CMYA5: variants seen among roughly 807,000 people sequenced by gnomAD.
CMYA5 encodes cardiomyopathy associated 5.
CMYA5 carries 246 observed loss-of-function variants against 318.9 expected under a neutral mutation model. The observed-to-expected ratio is 0.77, with a 90% CI of 0.70 to 0.86. The LOEUF (loss-of-function observed/expected upper bound fraction) is 0.86, where lower values mean the gene tolerates loss of function less well. Among genes scored for constraint, CMYA5 ranks in the 40% least tolerant of loss-of-function variants. The pLI is 0.00. For synonymous variants in CMYA5, 1,641 were observed against 1,729.5 expected (o/e 0.95, Z 1.27); for missense variants, 4,589 against 4,678.2 (o/e 0.98, Z 0.56).
chr5:79,744,343 G>C (rs1038170968), intron 3 of CMYA5, among the ~76,000 whole-genome samples: 4 of 152,226 alleles, frequency 2.6e-5, no homozygotes, highest in Admixed American at 2.0e-4. Flanking sequence ...ACTGCCCAGT[G>C]TCCCATGCCC....
rs1828128782 is a variant in CMYA5 at position 79,738,267 on chromosome 5, A to T, written c.9502A>T (p.Thr3168Ser). Residue 3168 changes from threonine (T) to serine (S), a missense_variant, in exon 2 of 13, where the codon ACC (threonine) becomes TCC (serine). Transcript: ENST00000446378. Reference protein sequence around the residue: ...FEAEEGVLSRTQIFPTTIKVI... With the variant: ...FEAEEGVLSRSQIFPTTIKVI... Reference sequence around the variant, plus strand: ...AGCAGAGGAAGGAGTTCTATCACGAACCCAGATATTTCCTACCACTATTAA... The same window carrying T: ...AGCAGAGGAAGGAGTTCTATCACGATCCCAGATATTTCCTACCACTATTAA... 6.2e-7 allele frequency: 1 copy of T among 1,613,420 alleles called. No individual in the cohort carries two copies. Among genetic ancestry groups the T allele is most frequent in the Non-Finnish European group, 8.5e-7 (1 of 1,179,796 alleles).
intron 12 of CMYA5, among the ~76,000 whole-genome samples, chr5:79,796,510 C>T (rs1260200122): frequency 6.6e-6 from 1 of 152,092 alleles, no homozygotes; most frequent in Non-Finnish European, 1.5e-5. Context: ...AGCAATCCTC[C>T]CACATCAACC....
In CMYA5 at chr5:79,732,148, CT is replaced by C. The variant is rs1561207788; in HGVS notation, c.3385del (p.Ser1129HisfsTer3). Reference sequence around the variant, plus strand: ...GAGCCTGAGTCTGAAGACTTGATTCCTTCACATTTAACCAGTGAAGTGGAGA... The same window carrying C: ...GAGCCTGAGTCTGAAGACTTGATTCCTCACATTTAACCAGTGAAGTGGAGA... ...YLEPESEDLIPSHLTSEVEKG... is the reference protein window; with the variant it reads ...YLEPESEDLIXSHLTSEVEKG... On this transcript the variant is annotated frameshift_variant, in exon 2 of 13. Coordinates refer to ENST00000446378, the MANE Select transcript of CMYA5 (RefSeq NM_153610.5). LOFTEE classifies it high-confidence loss of function. 1 of 1,613,914 alleles carries C rather than the reference CT, an allele frequency of 6.2e-7. No homozygotes were observed. The highest frequency in any genetic ancestry group is 1.7e-5 in the Admixed American group (1 of 60,000).
intron 1 of CMYA5, among the ~76,000 whole-genome samples, chr5:79,703,004 G>A (rs114378364): frequency 0.021 from 3,226 of 152,232 alleles, 116 homozygotes; most frequent in African/African-American, 0.072. Flanking sequence ...GAGAGTATCT[G>A]GTGCTGTCAG....
chr5:79,775,376 A>G (rs976032840), intron 9 of CMYA5, among the ~76,000 whole-genome samples: 42 of 152,218 alleles, frequency 2.8e-4, no homozygotes, highest in African/African-American at 9.9e-4. Context: ...CAGGTTGTCC[A>G]CAATGAAAGA....
At position 79,734,609 on chromosome 5, in the gene CMYA5, G is replaced by A. The variant is rs752508602; in HGVS notation, c.5844G>A (p.Pro1948=). The change falls in exon 2 of 13, where the codon CCG becomes CCA. Residue 1948 remains proline, a synonymous_variant. Transcript: ENST00000446378. The stretch of plus-strand genomic sequence containing the variant: ...GTGAAGTGAGAAAGCAGGTCCTGCC[G>A]CATTCTGCTGAAGAATCTCATTTGT... ...HTCEVRKQVL[P]HSAEESHLSS... is the part of the protein sequence containing the mutation. The A allele has an allele frequency of 1.5e-5, 25 of 1,613,714 alleles. No individual in the cohort carries two copies. In the Middle Eastern group the frequency reaches 4.9e-4, roughly 32 times the overall value.
rs1302995738 is a variant in CMYA5, at chr5:79,690,062, G to T, written c.149+6G>T. 2.1e-6 allele frequency: 3 copies of T among 1,433,670 alleles called. No homozygotes were observed. Among genetic ancestry groups the T allele is most frequent in the Non-Finnish European group, 9.2e-7 (1 of 1,090,356 alleles). 88.8% of individuals were successfully genotyped at this position (1,433,670 alleles called of 1,614,324 possible). A position where few individuals can be genotyped will look rare whatever the true frequency, so the allele number is the denominator to read the frequency against. On this transcript the variant is annotated splice_donor_region_variant and intron_variant, in intron 1 of 12. Coordinates refer to ENST00000446378, the MANE Select transcript of CMYA5 (RefSeq NM_153610.5). ...GAGGAGGAGCCGGACTCCAGGTAGCGCGAGCCTCTCTCCTCGGCCCAGGGC... is the reference window on the plus strand; with the variant it reads ...GAGGAGGAGCCGGACTCCAGGTAGCTCGAGCCTCTCTCCTCGGCCCAGGGC...
At position 79,717,888 on chromosome 5, in the gene CMYA5, T is replaced by TATA. The variant is rs1229790517; in HGVS notation, c.150-11027_150-11026insATA. Among the ~76,000 whole-genome samples, 203 of 91,012 alleles carry TATA rather than the reference T, an allele frequency of 2.2e-3. 1 individual carries two copies. Among genetic ancestry groups the TATA allele is most frequent in the South Asian group, 4.7e-3 (14 of 2,978 alleles). 59.7% of individuals were successfully genotyped at this position (91,012 alleles called of 152,430 possible). A position where few individuals can be genotyped will look rare whatever the true frequency, so the allele number is the denominator to read the frequency against. ...AAGTTCCTTTTAACCTAAGCTATTT[T>TATA]TTTTTTTTTTTTTTTTTTGAGACGG... On this transcript the variant is annotated intron_variant, in intron 1 of 12. Coordinates refer to ENST00000446378, the MANE Select transcript of CMYA5 (RefSeq NM_153610.5).
At position 79,730,347 on chromosome 5, in the gene CMYA5, G is replaced by C. The variant is rs374034837; in HGVS notation, c.1582G>C (p.Glu528Gln). 1.2e-6 allele frequency: 2 copies of C among 1,612,198 alleles called. No individual in the cohort carries two copies. The highest frequency in any genetic ancestry group is 1.7e-6 in the Non-Finnish European group (2 of 1,178,378). ...TPEPEDSNLV[E>Q]EEIVELDYPE... ...TGAACCTGAAGATTCTAATTTAGTA[G>C]AAGAAGAGATCGTAGAACTTGATTA... The change falls in exon 2 of 13, where the codon GAA becomes CAA. Residue 528 changes from glutamate (E) to glutamine (Q), a missense_variant. By Grantham distance (29) the Glu-to-Gln change is conservative (BLOSUM62 2). Coordinates refer to ENST00000446378, the MANE Select transcript of CMYA5 (RefSeq NM_153610.5).
chr5:79,761,890 A>G lies in CMYA5; in HGVS notation c.11340A>G (p.Gln3780=), dbSNP rs16877183. The G allele has an allele frequency of 1.4e-3, 2,210 of 1,613,830 alleles. 51 individuals are homozygous for G. In the East Asian group the frequency reaches 0.041, roughly 30 times the overall value. Residue 3780 remains glutamine (Q), a synonymous_variant, in exon 8 of 13, where the codon CAA becomes CAG. Transcript: ENST00000446378. ...ATCTGGAACCTGACCGATGCTATCAAGTGTGGGTGATGGCTGTGAACTTCA... is the reference window on the plus strand; with the variant it reads ...ATCTGGAACCTGACCGATGCTATCAGGTGTGGGTGATGGCTGTGAACTTCA... The part of the protein sequence containing the change: ...FEDLEPDRCY[Q]VWVMAVNFTG...
Position 79,733,299 on chromosome 5 carries a change from CAGA to C in CMYA5, c.4541_4543del (p.Lys1514del), listed in dbSNP as rs1561208795. The stretch of plus-strand genomic sequence containing the variant: ...TGACTCTGAACGTTTGGTTTCATCA[CAGA>C]AGAAGAGCTTGATGTCTACCTCAGA... On this transcript the variant is annotated inframe_deletion, in exon 2 of 13. Coordinates refer to ENST00000446378, the MANE Select transcript of CMYA5 (RefSeq NM_153610.5). The C allele has an allele frequency of 2.5e-5, 41 of 1,613,556 alleles. No individual in the cohort carries two copies. The highest frequency in any genetic ancestry group is 3.3e-5 in the Non-Finnish European group (39 of 1,179,826).
intron 1 of CMYA5, among the ~76,000 whole-genome samples, chr5:79,691,078 C>T (rs1476157312): frequency 4.6e-5 from 7 of 152,170 alleles, no homozygotes; most frequent in Non-Finnish European, 1.0e-4. Flanking sequence ...ACTTTTTCCC[C>T]TATGGGGAAA....
intron 1 of CMYA5, among the ~76,000 whole-genome samples, chr5:79,692,847 C>CTCAG (rs1379608124): frequency 6.6e-6 from 1 of 152,166 alleles, no homozygotes; most frequent in Non-Finnish European, 1.5e-5. Context: ...AAATAATGAT[C>CTCAG]CTATTTCACT....
At chr5:79,796,008 A>G (rs562273664) in intron 12 of CMYA5, among the ~76,000 whole-genome samples, 39 of 152,162 alleles carry the variant, frequency 2.6e-4, no homozygotes, top group Non-Finnish European at 5.0e-4. Flanking sequence ...CCAGAAATGG[A>G]GACAGAAGCA....
At chr5:79,703,649 T>A (rs1412417711) in intron 1 of CMYA5, among the ~76,000 whole-genome samples, 2 of 152,236 alleles carry the variant, frequency 1.3e-5, no homozygotes, top group Non-Finnish European at 2.9e-5. Context: ...TCCAGTAGTG[T>A]CAGATTGTCT....
intron 1 of CMYA5, among the ~76,000 whole-genome samples, chr5:79,704,934 C>T (rs74339028): frequency 0.021 from 3,230 of 152,314 alleles, 114 homozygotes; most frequent in African/African-American, 0.072. Flanking sequence ...TCCTTACCAC[C>T]ACAAGTGCCT....
chr5:79,792,768 G>A (rs1251188285), intron 11 of CMYA5, among the ~76,000 whole-genome samples: 1 of 152,170 alleles, frequency 6.6e-6, no homozygotes, highest in Non-Finnish European at 1.5e-5. Flanking sequence ...AGTGCTTTTG[G>A]TTCATTTCAC....
chr5:79,725,708 G>A (rs1192510757), intron 1 of CMYA5, among the ~76,000 whole-genome samples: 3 of 152,230 alleles, frequency 2.0e-5, no homozygotes, highest in Admixed American at 6.5e-5. Context: ...TTCGAGGCCA[G>A]CCTCATCAAC....
chr5:79,732,062 C>T lies in CMYA5; in HGVS notation c.3297C>T (p.Thr1099=). 1.2e-6 allele frequency: 2 copies of T among 1,613,908 alleles called. No individual in the cohort carries two copies. Among genetic ancestry groups the T allele is most frequent in the Non-Finnish European group, 1.7e-6 (2 of 1,179,862 alleles). The part of the protein sequence containing the change: ...KAEIKPEIPT[T]STSVSEYLIL... ...AAATTAAGCCAGAGATTCCAACAAC[C>T]TCAACATCTGTATCTGAATATCTCA... The change falls in exon 2 of 13, where the codon ACC becomes ACT. Residue 1099 remains threonine (T), a synonymous_variant. Transcript: ENST00000446378.
Sources: allele counts gnomAD v4.1 joint callset (sites outside exome capture counted in the v4.1 genomes callset), GRCh38; gene constraint gnomAD v4.1.1; transcripts MANE v1.5; gene names NCBI Gene and HGNC (gene_info 2026-07-23, HGNC 2026-07-21).